The following FRAS1 variants were observed in gnomAD, a reference collection of about 807,000 sequenced individuals.
The protein encoded by FRAS1 is Fraser extracellular matrix complex subunit 1.
Under a neutral mutation model 435.2 loss-of-function variants are expected in FRAS1, and 290 were observed. The ratio of observed to expected loss-of-function variants is 0.67; its 90% CI spans 0.61 to 0.73. FRAS1 has a LOEUF of 0.73. FRAS1 is among the 30% of genes least tolerant of loss of function. FRAS1 has a pLI of 0.00. For synonymous variants in FRAS1, 1,800 were observed against 1,851.0 expected, an observed-to-expected ratio of 0.97 and a Z score of 0.71; for missense variants, 4,860 against 5,001.5, an observed-to-expected ratio of 0.97 and a Z score of 0.85.
At chr4:78,331,485 A>G (rs112868706) in intron 18 of FRAS1, among the ~76,000 whole-genome samples, 6 of 152,342 alleles carry the variant, frequency 3.9e-5, no homozygotes, top group African/African-American at 1.4e-4. Context: ...AAGTAGTTCA[A>G]TACTTTAACC....
intron 29 of FRAS1, among the ~76,000 whole-genome samples, chr4:78,391,471 G>C (rs774623084): frequency 1.3e-5 from 2 of 152,204 alleles, no homozygotes; most frequent in Non-Finnish European, 2.9e-5. Context: ...AAAGCAATTT[G>C]ACATTTAATG....
intron 2 of FRAS1, among the ~76,000 whole-genome samples, chr4:78,118,609 C>A (rs1170286703): frequency 2.0e-5 from 3 of 152,208 alleles, no homozygotes; most frequent in Non-Finnish European, 4.4e-5. Context: ...GGCATAGGAC[C>A]CTCAGATCCA....
At chr4:78,489,419 G>A (rs1720274720) in intron 59 of FRAS1, among the ~76,000 whole-genome samples, 1 of 152,110 alleles carries the variant, frequency 6.6e-6, no homozygotes, top group Non-Finnish European at 1.5e-5. Flanking sequence ...TTAAGAAGTG[G>A]AATAGTGGAT....
chr4:78,480,659 G>C (rs772685313), intron 56 of FRAS1, among the ~76,000 whole-genome samples: 1 of 152,188 alleles, frequency 6.6e-6, no homozygotes, highest in Admixed American at 6.5e-5. Context: ...GCGATCAGTG[G>C]GCAGGTCACT....
At chr4:78,458,088 GC>G (rs1255573359) in intron 47 of FRAS1, among the ~76,000 whole-genome samples, 1 of 152,164 alleles carries the variant, frequency 6.6e-6, no homozygotes, top group Non-Finnish European at 1.5e-5. Context: ...AATGTCCTGG[GC>G]TTTGACTCAG....
intron 55 of FRAS1, among the ~76,000 whole-genome samples, chr4:78,478,363 C>T (rs1224037404): frequency 6.6e-6 from 1 of 152,140 alleles, no homozygotes; most frequent in Non-Finnish European, 1.5e-5. Flanking sequence ...ATCAATCACC[C>T]AATCCATAAA....
At chr4:78,194,707 A>G (rs955803223) in intron 2 of FRAS1, among the ~76,000 whole-genome samples, 1 of 152,138 alleles carries the variant, frequency 6.6e-6, no homozygotes, top group South Asian at 2.1e-4. Context: ...CTTCTTTGCC[A>G]TGGGTTCAAA....
intron 2 of FRAS1, among the ~76,000 whole-genome samples, chr4:78,202,416 T>A (rs1412261946): frequency 6.6e-6 from 1 of 152,124 alleles, no homozygotes; most frequent in Non-Finnish European, 1.5e-5. Context: ...CTGGGCTGGG[T>A]GCCATGGCTC....
At chr4:78,101,672 C>A (rs1742139354) in intron 2 of FRAS1, among the ~76,000 whole-genome samples, 1 of 152,098 alleles carries the variant, frequency 6.6e-6, no homozygotes, top group Non-Finnish European at 1.5e-5. Flanking sequence ...AATATTATGG[C>A]CCAATTTCTA....
At chr4:78,341,727 G>C (rs897607544) in intron 20 of FRAS1, among the ~76,000 whole-genome samples, 20 of 152,118 alleles carry the variant, frequency 1.3e-4, no homozygotes, top group African/African-American at 4.6e-4. Flanking sequence ...AGAAATTCGA[G>C]GGGTGGGAAT....
chr4:78,218,098 T>TCTCA (rs368430185), intron 2 of FRAS1, among the ~76,000 whole-genome samples: 10,268 of 39,642 alleles, frequency 0.26, 2,064 homozygotes, highest in Admixed American at 0.33. Context: ...TCACTCTCTC[T>TCTCA]CACACACACA....
rs371197382 is a variant in FRAS1 at position 78,334,352 on chromosome 4, T to A, written c.2278+940T>A. Among the ~76,000 whole-genome samples, 978 of 145,954 alleles carry A rather than the reference T, an allele frequency of 6.7e-3. 24 individuals are homozygous for A. Among genetic ancestry groups the A allele is most frequent in the African/African-American group, 0.023 (903 of 39,112 alleles). On this transcript the variant is annotated intron_variant, in intron 19 of 73. Transcript: ENST00000512123. ...ATATTTTTTTCAAAACATAAAGTCA[T>A]AACCAATTTTCTTTTTTTTTTTTTT...
At chr4:78,531,804 G>T (rs1721724567) in intron 70 of FRAS1, among the ~76,000 whole-genome samples, 2 of 152,104 alleles carry the variant, frequency 1.3e-5, no homozygotes, top group Admixed American at 6.5e-5. Flanking sequence ...TTTACTATCT[G>T]GCTGTTCACA....
intron 2 of FRAS1, among the ~76,000 whole-genome samples, chr4:78,214,946 A>G (rs1723692053): frequency 6.6e-6 from 1 of 152,170 alleles, no homozygotes; most frequent in Non-Finnish European, 1.5e-5. Context: ...GTGTTCCTGC[A>G]GATTAATGAC....
Position 78,264,987 on chromosome 4 carries a change from T to C in FRAS1, c.604-38T>C, listed in dbSNP as rs765369655. 15 of 1,275,296 alleles carry C rather than the reference T, an allele frequency of 1.2e-5. No homozygotes were observed. The Middle Eastern group carries it at 2.2e-3, about 187-fold the overall frequency. The allele number at this position is 1,275,296 out of a possible 1,614,324, so 79.0% of individuals were successfully genotyped here. On this transcript the variant is annotated intron_variant, in intron 6 of 73. Transcript: ENST00000512123. The stretch of plus-strand genomic sequence containing the variant: ...CCTGCTGTTGTGGATCTTATTAATA[T>C]CACTTTGTGATGGATTGTTCCTGTT...
intron 2 of FRAS1, among the ~76,000 whole-genome samples, chr4:78,070,095 A>G (rs1453463734): frequency 6.6e-6 from 1 of 152,064 alleles, no homozygotes; most frequent in Non-Finnish European, 1.5e-5. Context: ...GTCCCTGGCT[A>G]ACCCCTTCCC....
intron 2 of FRAS1, among the ~76,000 whole-genome samples, chr4:78,211,061 A>T (rs764452198): frequency 4.6e-5 from 7 of 152,210 alleles, no homozygotes; most frequent in Non-Finnish European, 8.8e-5. Context: ...GGCAGTGTGG[A>T]TATCTAAGTG....
intron 2 of FRAS1, among the ~76,000 whole-genome samples, chr4:78,087,749 C>G (rs1205570051): frequency 6.6e-6 from 1 of 152,154 alleles, no homozygotes; most frequent in Non-Finnish European, 1.5e-5. Flanking sequence ...AGGAGAACTA[C>G]AAACCACTGC....
intron 47 of FRAS1, among the ~76,000 whole-genome samples, chr4:78,452,897 G>C (rs954612016): frequency 2.0e-5 from 3 of 152,104 alleles, no homozygotes; most frequent in Admixed American, 6.5e-5. Context: ...ATATAAACAT[G>C]GTGTTGTAGG....
Sources: gnomAD v4.1 joint callset for allele counts (sites outside exome capture counted in the v4.1 genomes callset) on GRCh38, gnomAD v4.1.1 for gene constraint, MANE v1.5 for transcripts, NCBI Gene and HGNC (gene_info 2026-07-23, HGNC 2026-07-21) for gene names.